Variants in SPIDR observed in about 807,000 individuals in gnomAD.
SPIDR encodes the protein scaffold protein involved in DNA repair.
A neutral mutation model predicts 104.6 loss-of-function variants in SPIDR; 93 were observed. The observed-to-expected ratio is 0.89, with a 90% CI of 0.75 to 1.06. The LOEUF (loss-of-function observed/expected upper bound fraction) is 1.06. Among genes scored for constraint, SPIDR ranks in the 50% least tolerant of loss-of-function variants. The probability of loss-of-function intolerance (pLI) is 0.00; values close to 1 mark genes in which losing one functional copy is unlikely to be tolerated. For synonymous variants in SPIDR, 431 were observed against 416.9 expected (o/e 1.03, Z -0.41); for missense variants, 1,154 against 1,111.2 (o/e 1.04, Z -0.55).
chr8:47,341,608 A>C (rs2050767078), intron 5 of SPIDR, among the ~76,000 whole-genome samples: 1 of 151,762 alleles, frequency 6.6e-6, no homozygotes, highest in Admixed American at 6.6e-5. Flanking sequence ...GCAAAACAGA[A>C]CTTTTTTTTC....
intron 8 of SPIDR, among the ~76,000 whole-genome samples, chr8:47,458,943 A>G (rs964211426): frequency 3.3e-5 from 5 of 152,136 alleles, no homozygotes; most frequent in Non-Finnish European, 7.4e-5. Flanking sequence ...GGTGTATCAC[A>G]TTTATTGATT....
chr8:47,338,062 T>A (rs1052828199), intron 5 of SPIDR, among the ~76,000 whole-genome samples: 3 of 152,218 alleles, frequency 2.0e-5, no homozygotes, highest in South Asian at 4.1e-4. Context: ...TGGTTCTTCT[T>A]ATTCTTTTGT....
intron 8 of SPIDR, among the ~76,000 whole-genome samples, chr8:47,494,937 A>G (rs1448520668): frequency 6.6e-6 from 1 of 152,312 alleles, no homozygotes; most frequent in East Asian, 1.9e-4. Flanking sequence ...TTTTCACCCC[A>G]GTGAAGGGGA....
intron 19 of SPIDR, chr8:47,732,273 GGTGT>G (rs1365415841): frequency 1.4e-6 from 1 of 696,766 alleles, no homozygotes; most frequent in Non-Finnish European, 2.6e-6. Flanking sequence ...AGAGCTCAAA[GGTGT>G]GTGTACCTGA....
chr8:47,334,934 A>G (rs1311716109), intron 5 of SPIDR, among the ~76,000 whole-genome samples: 8 of 152,114 alleles, frequency 5.3e-5, no homozygotes, highest in African/African-American at 1.7e-4. Flanking sequence ...GTTGCCTTAG[A>G]GTTTGCAGTA....
intron 8 of SPIDR, among the ~76,000 whole-genome samples, chr8:47,577,668 A>G (rs951606561): frequency 6.6e-6 from 1 of 152,252 alleles, no homozygotes; most frequent in African/African-American, 2.4e-5. Context: ...CCTTGTAGAC[A>G]TCTAGGAACA....
chr8:47,555,090 C>A (rs563609280), intron 8 of SPIDR, among the ~76,000 whole-genome samples: 1 of 152,134 alleles, frequency 6.6e-6, no homozygotes, highest in East Asian at 1.9e-4. Flanking sequence ...ATAATCTGTT[C>A]CTTTCTATTC....
intron 8 of SPIDR, among the ~76,000 whole-genome samples, chr8:47,443,480 A>G (rs1330200207): frequency 2.0e-5 from 3 of 150,818 alleles, no homozygotes; most frequent in Non-Finnish European, 4.4e-5. Context: ...CAAAGGTGAA[A>G]GAATCGCTTG....
chr8:47,626,555 A>T (rs1247527959), intron 10 of SPIDR, among the ~76,000 whole-genome samples: 1 of 152,222 alleles, frequency 6.6e-6, no homozygotes, highest in Non-Finnish European at 1.5e-5. Flanking sequence ...AAAAACAAAC[A>T]ACCCCATCAA....
chr8:47,277,128 A>G (rs2036595446), intron 1 of SPIDR: 1 of 151,806 alleles, frequency 6.6e-6, no homozygotes, highest in African/African-American at 2.4e-5. Context: ...GGGTTTCTCC[A>G]TGTTGGTCAG....
At chr8:47,646,568 AGCTCT>A (rs1165974608) in intron 10 of SPIDR, among the ~76,000 whole-genome samples, 2 of 152,244 alleles carry the variant, frequency 1.3e-5, no homozygotes, top group African/African-American at 4.8e-5. Flanking sequence ...AATACTATGC[AGCTCT>A]CTATATGGCT....
intron 4 of SPIDR, among the ~76,000 whole-genome samples, chr8:47,291,810 G>C (rs2039954060): frequency 6.6e-6 from 1 of 152,212 alleles, no homozygotes; most frequent in Non-Finnish European, 1.5e-5. Flanking sequence ...GACAACCAGT[G>C]TGTGGTAGAG....
chr8:47,472,540 T>G (rs184917322), intron 8 of SPIDR, among the ~76,000 whole-genome samples: 3 of 152,374 alleles, frequency 2.0e-5, no homozygotes, highest in African/African-American at 7.2e-5. Context: ...AAAACACTGC[T>G]GATATCACAC....
chr8:47,404,432 A>C (rs1026691264), intron 6 of SPIDR, among the ~76,000 whole-genome samples: 5 of 152,226 alleles, frequency 3.3e-5, no homozygotes, highest in Admixed American at 3.3e-4. Flanking sequence ...AATGGGAGAA[A>C]ATTTTTGCAG....
chr8:47,350,232 G>C (rs1397448566), intron 5 of SPIDR, among the ~76,000 whole-genome samples: 1 of 152,188 alleles, frequency 6.6e-6, no homozygotes, highest in Non-Finnish European at 1.5e-5. Context: ...AAAATGCTCT[G>C]AGCAGCTCTG....
chr8:47,720,219 T>C (rs1413647935), intron 16 of SPIDR, among the ~76,000 whole-genome samples: 6 of 152,258 alleles, frequency 3.9e-5, no homozygotes, highest in Non-Finnish European at 8.8e-5. Context: ...TGAATAGTAT[T>C]CCATTGCATG....
chr8:47,265,630 G>A (rs1554546057), intron 1 of SPIDR, among the ~76,000 whole-genome samples: 1 of 152,042 alleles, frequency 6.6e-6, no homozygotes, highest in East Asian at 1.9e-4. Flanking sequence ...AATAATACAT[G>A]TTCATAGGTA....
chr8:47,397,049 G>C (rs1368841643), intron 6 of SPIDR, among the ~76,000 whole-genome samples: 4 of 152,190 alleles, frequency 2.6e-5, no homozygotes, highest in African/African-American at 9.7e-5. Context: ...GGTGTGCCAT[G>C]AACTACAGTG....
chr8:47,371,657 G>C (rs781810888), intron 5 of SPIDR, among the ~76,000 whole-genome samples: 1 of 152,136 alleles, frequency 6.6e-6, no homozygotes, highest in Non-Finnish European at 1.5e-5. Flanking sequence ...ATCTTGGGGG[G>C]AGACACATTC....
Sources: gnomAD v4.1 joint callset for allele counts (sites outside exome capture counted in the v4.1 genomes callset) on GRCh38, gnomAD v4.1.1 for gene constraint, MANE v1.5 for transcripts, NCBI Gene and HGNC (gene_info 2026-07-23, HGNC 2026-07-21) for gene names.